The following TSPEAR variants were observed in gnomAD, a reference collection of about 807,000 sequenced individuals.
TSPEAR encodes thrombospondin type laminin G domain and EAR repeats, also known as thrombospondin-type laminin G domain and EAR repeat-containing protein.
In TSPEAR, 69 loss-of-function variants were observed where a neutral mutation model predicts 71.6. The observed-to-expected ratio is 0.96, with a 90% CI of 0.79 to 1.18. The LOEUF is 1.18. Among genes scored for constraint, TSPEAR ranks in the 50% most tolerant of loss-of-function variants. The pLI is 0.00. For synonymous variants in TSPEAR, 402 were observed against 387.2 expected, an observed-to-expected ratio of 1.04 and a Z score of -0.45; for missense variants, 971 against 894.9, an observed-to-expected ratio of 1.09 and a Z score of -1.09.
intron 1 of TSPEAR, chr21:44,666,219 C>A: frequency 1.9e-6 from 1 of 536,962 alleles, no homozygotes; most frequent in Non-Finnish European, 3.3e-6. Context: ...ATTTGGCTCT[C>A]ATGGGGTCAG....
At chr21:44,595,959 A>C (rs1172280737) in intron 1 of TSPEAR, among the ~76,000 whole-genome samples, 2 of 152,174 alleles carry the variant, frequency 1.3e-5, no homozygotes, top group Non-Finnish European at 2.9e-5. Context: ...GGAACAAAGT[A>C]CCACAAGCTT....
At chr21:44,605,096 A>G (rs1555929630) in intron 1 of TSPEAR, among the ~76,000 whole-genome samples, 1 of 152,258 alleles carries the variant, frequency 6.6e-6, no homozygotes, top group Non-Finnish European at 1.5e-5. Context: ...AGGACTGATA[A>G]ACAAATTTAA....
intron 2 of TSPEAR, among the ~76,000 whole-genome samples, chr21:44,552,831 C>CTCCATGGCTGTTG (rs2053465767): frequency 6.6e-6 from 1 of 152,212 alleles, no homozygotes; most frequent in Admixed American, 6.5e-5. Context: ...TCACTCCGCC[C>CTCCATGGCTGTTG]TCCATGGCTG....
Position 44,530,515 on chromosome 21 carries a change from G to GCATC in TSPEAR, c.633+524_633+527dup, listed in dbSNP as rs112821244. ...TCTCTCCATCTGTTCATCTCTCCAC[G>GCATC]CATCCATCCATCCATCCATCCATTT... On this transcript the variant is annotated intron_variant, in intron 4 of 11. Coordinates refer to ENST00000323084, the MANE Select transcript of TSPEAR (RefSeq NM_144991.3). 2.3e-3 allele frequency among the ~76,000 whole-genome samples: 335 copies of GCATC among 147,546 alleles called. 3 individuals are homozygous for GCATC. Among genetic ancestry groups the GCATC allele is most frequent in the African/African-American group, 7.9e-3 (307 of 38,844 alleles).
rs587733163 is a variant in TSPEAR at position 44,499,772 on chromosome 21, C to T, written c.*11G>A. 1.8e-5 allele frequency: 28 copies of T among 1,550,188 alleles called. No homozygotes were observed. The African/African-American group carries it at 3.0e-4, about 17-fold the overall frequency. ...CCTGGCCACCCCAGTTGCTGCCGGG[C>T]AGCCGCGGCCTCAGCGTGTCCTCAG... On this transcript the variant is annotated 3_prime_UTR_variant, in exon 12 of 12. Transcript: ENST00000323084.
chr21:44,628,642 T>G (rs28717984), intron 1 of TSPEAR, among the ~76,000 whole-genome samples: 95,432 of 150,780 alleles, frequency 0.63, 30,606 homozygotes, highest in Admixed American at 0.69. Flanking sequence ...AATGCCCCAC[T>G]CACTGTGGGT....
At chr21:44,602,776 C>T (rs1182189335) in intron 1 of TSPEAR, among the ~76,000 whole-genome samples, 1 of 152,132 alleles carries the variant, frequency 6.6e-6, no homozygotes, top group Non-Finnish European at 1.5e-5. Flanking sequence ...GCGCGTCCTG[C>T]GTGACCCCCA....
At chr21:44,524,764 G>A (rs1283265370) in intron 8 of TSPEAR, among the ~76,000 whole-genome samples, 1 of 151,998 alleles carries the variant, frequency 6.6e-6, no homozygotes, top group African/African-American at 2.4e-5. Flanking sequence ...AAGGTAGTCA[G>A]TCAGGTAATT....
chr21:44,655,299 C>T (rs1446368117), intron 1 of TSPEAR, among the ~76,000 whole-genome samples: 1 of 152,202 alleles, frequency 6.6e-6, no homozygotes, highest in Non-Finnish European at 1.5e-5. Context: ...GATCCATGGT[C>T]GTTACCACTG....
At chr21:44,698,435 A>G (rs1709295821) in intron 1 of TSPEAR, among the ~76,000 whole-genome samples, 2 of 152,204 alleles carry the variant, frequency 1.3e-5, no homozygotes, top group African/African-American at 2.4e-5. Flanking sequence ...CCGTCCCCGC[A>G]GGAATGTACC....
chr21:44,558,895 T>G, intron 2 of TSPEAR: 1 of 802,370 alleles, frequency 1.2e-6, no homozygotes, highest in Non-Finnish European at 2.0e-6. Flanking sequence ...GTTGTTGTTG[T>G]AGGCACTGTT....
rs1382498347 is a variant in TSPEAR, at chr21:44,592,379, C to T, written c.83-24374G>A. 9 of 1,558,712 alleles carry T rather than the reference C, an allele frequency of 5.8e-6. No individual in the cohort carries two copies. In the East Asian group the frequency reaches 9.1e-5, roughly 16 times the overall value. ...GGCTCACAGCAGCTCTCTGGGCAGT[C>T]GTCCACCTGCCAGGAGTCGGAGCAA... On this transcript the variant is annotated intron_variant, in intron 1 of 11. Transcript: ENST00000323084.
intron 2 of TSPEAR, among the ~76,000 whole-genome samples, chr21:44,560,796 G>A (rs990172855): frequency 9.2e-5 from 14 of 152,092 alleles, no homozygotes; most frequent in Non-Finnish European, 1.6e-4. Context: ...AGAACAAAGA[G>A]ACAATGTCCC....
Position 44,506,352 on chromosome 21 carries a change from G to A in TSPEAR, c.1755-1471C>T, listed in dbSNP as rs782199445. ...AGGTCGAAGCCATGCACACGCAGGCGTCCTGCTGACATGCAGGCCAGGCGG... is the reference window on the plus strand; with the variant it reads ...AGGTCGAAGCCATGCACACGCAGGCATCCTGCTGACATGCAGGCCAGGCGG... On this transcript the variant is annotated intron_variant, in intron 10 of 11. Coordinates refer to ENST00000323084, the MANE Select transcript of TSPEAR (RefSeq NM_144991.3). This position sits in a 1 kb window ranked among gnomAD's most constrained non-coding sequence, Gnocchi z 4.2. Among the ~76,000 whole-genome samples, 7 of 152,370 alleles carry A rather than the reference G, an allele frequency of 4.6e-5. No homozygotes were observed. Among genetic ancestry groups the A allele is most frequent in the Admixed American group, 2.6e-4 (4 of 15,308 alleles).
intron 1 of TSPEAR, among the ~76,000 whole-genome samples, chr21:44,600,155 T>C (rs782485728): frequency 4.6e-5 from 7 of 152,270 alleles, no homozygotes; most frequent in Non-Finnish European, 8.8e-5. Context: ...CATGCCATCA[T>C]TGACAGGGGC....
chr21:44,551,398 C>T (rs782094862), intron 2 of TSPEAR: 10 of 1,613,160 alleles, frequency 6.2e-6, no homozygotes, highest in African/African-American at 4.0e-5. Flanking sequence ...TCTGGGCAGT[C>T]GTCCACCTGC....
chr21:44,517,650 A>G (rs1169224707), intron 9 of TSPEAR: 1 of 419,036 alleles, frequency 2.4e-6, no homozygotes, highest in Non-Finnish European at 4.9e-6. Flanking sequence ...TTGATATGAG[A>G]ACTAACCCAA....
intron 2 of TSPEAR, among the ~76,000 whole-genome samples, chr21:44,565,008 A>G (rs1266228476): frequency 6.6e-6 from 1 of 152,176 alleles, no homozygotes; most frequent in African/African-American, 2.4e-5. Context: ...CAAATATGTG[A>G]AAATTAAACA....
intron 1 of TSPEAR, among the ~76,000 whole-genome samples, chr21:44,586,372 T>C (rs1185049410): frequency 6.6e-6 from 1 of 152,208 alleles, no homozygotes; most frequent in Non-Finnish European, 1.5e-5. Context: ...TCTATCACTG[T>C]TCTGGTACCA....
Sources: gnomAD v4.1 joint callset for allele counts (sites outside exome capture counted in the v4.1 genomes callset) on GRCh38, gnomAD v4.1.1 for gene constraint, Gnocchi (gnomAD v3.1) non-coding constraint, MANE v1.5 for transcripts, NCBI Gene and HGNC (gene_info 2026-07-23, HGNC 2026-07-21) for gene names.